Variants in ZNF343 observed in about 807,000 individuals in gnomAD.
ZNF343 encodes zinc finger protein 343.
Under a neutral mutation model 13.8 loss-of-function variants are expected in ZNF343, and 11 were observed. The observed-to-expected ratio is 0.80, with a 90% CI of 0.50 to 1.32. The LOEUF (loss-of-function observed/expected upper bound fraction) is 1.32. Among genes scored for constraint, ZNF343 ranks in the 40% most tolerant of loss-of-function variants. The pLI, the probability that ZNF343 is intolerant of heterozygous loss-of-function variation, is 0.00. For missense variants in ZNF343, 658 were observed against 714.2 expected, an observed-to-expected ratio of 0.92 and a Z score of 0.90; for synonymous variants, 248 against 260.0, an observed-to-expected ratio of 0.95 and a Z score of 0.44.
At chr20:2,492,281 G>C (rs540474864) in intron 5 of ZNF343, among the ~76,000 whole-genome samples, 2 of 151,746 alleles carry the variant, frequency 1.3e-5, no homozygotes, top group Admixed American at 1.3e-4. Context: ...TAAGGTCTTC[G>C]TGTCAATAAT....
chr20:2,517,853 TTAATAA>T (rs999290637), intron 1 of ZNF343, among the ~76,000 whole-genome samples: 6 of 151,596 alleles, frequency 4.0e-5, no homozygotes, highest in Admixed American at 6.6e-5. Context: ...AAAGTAAGCT[TTAATAA>T]TAATAATAAT....
chr20:2,522,335 G>A (rs921263447), intron 1 of ZNF343, among the ~76,000 whole-genome samples: 1 of 152,124 alleles, frequency 6.6e-6, no homozygotes, highest in South Asian at 2.1e-4. Context: ...CCTTAGAGGG[G>A]AATGTCTGAT....
chr20:2,505,789 A>G (rs2085645911), intron 1 of ZNF343, among the ~76,000 whole-genome samples: 1 of 152,200 alleles, frequency 6.6e-6, no homozygotes, highest in Admixed American at 6.5e-5. Context: ...ACAAAAATTA[A>G]TTCAAGATGG....
chr20:2,515,136 G>A (rs1276282107), intron 1 of ZNF343, among the ~76,000 whole-genome samples: 2 of 152,162 alleles, frequency 1.3e-5, no homozygotes, highest in African/African-American at 4.8e-5. Flanking sequence ...ATACTGCAGT[G>A]TTAGTAAACA....
intron 1 of ZNF343, among the ~76,000 whole-genome samples, chr20:2,505,174 G>A (rs568443436): frequency 1.5e-4 from 23 of 152,188 alleles, no homozygotes; most frequent in East Asian, 9.6e-4. Flanking sequence ...CAAACAGAGC[G>A]CCAAATCATG....
At chr20:2,487,513 A>G (rs1290206392) in intron 5 of ZNF343, among the ~76,000 whole-genome samples, 2 of 152,214 alleles carry the variant, frequency 1.3e-5, no homozygotes, top group Non-Finnish European at 2.9e-5. Context: ...ACTCCCTATC[A>G]GTTCAGAGGA....
chr20:2,493,624 C>T lies in ZNF343; in HGVS notation c.119-47G>A, dbSNP rs1365399561. ...ATGAGAAACCAGACCCCCCCACCCC[C>T]CACCCCCCACCATGACGCTCCCTGA... is the stretch of plus-strand genomic sequence containing the variant. On this transcript the variant is annotated intron_variant, in intron 3 of 5. Transcript: ENST00000278772. 4.2e-6 allele frequency: 4 copies of T among 948,898 alleles called. No homozygotes were observed. In the African/African-American group the frequency reaches 6.2e-5, roughly 15 times the overall value. 58.8% of individuals were successfully genotyped at this position (948,898 alleles called of 1,614,324 possible).
intron 1 of ZNF343, among the ~76,000 whole-genome samples, chr20:2,514,183 A>C (rs2085749802): frequency 6.6e-6 from 1 of 152,258 alleles, no homozygotes; most frequent in Non-Finnish European, 1.5e-5. Flanking sequence ...CAATATTGTG[A>C]ATGTACTGAA....
At chr20:2,510,672 G>A (rs1016324647), upstream of ZNF343, among the ~76,000 whole-genome samples, 3 of 152,170 alleles carry the variant, frequency 2.0e-5, no homozygotes, top group Non-Finnish European at 4.4e-5. Context: ...GTACTGGGCA[G>A]AATCTGTTAC....
chr20:2,509,545 G>C (rs990954327), upstream of ZNF343, among the ~76,000 whole-genome samples: 1 of 152,152 alleles, frequency 6.6e-6, no homozygotes, highest in Non-Finnish European at 1.5e-5. Flanking sequence ...TGGCTCTCTG[G>C]CCTCTTATCT....
At chr20:2,495,684 CTT>C (rs776678618) in intron 2 of ZNF343, among the ~76,000 whole-genome samples, 7,078 of 136,704 alleles carry the variant, frequency 0.052, 437 homozygotes, top group African/African-American at 0.16. Flanking sequence ...TTTCTTTTTT[CTT>C]TTTTTTTTTT....
intron 2 of ZNF343, among the ~76,000 whole-genome samples, chr20:2,495,015 G>A (rs1044890134): frequency 6.6e-6 from 1 of 152,206 alleles, no homozygotes; most frequent in African/African-American, 2.4e-5. Flanking sequence ...GGTATTAGGA[G>A]CTATGCCACC....
upstream of ZNF343, chr20:2,524,755 C>CAGCCCGGGGCGCTGCAACA (rs1177704176): frequency 6.6e-6 from 1 of 152,524 alleles, no homozygotes; most frequent in Non-Finnish European, 1.5e-5. Context: ...GGCGCTGCAA[C>CAGCCCGGGGCGCTGCAACA]AGGCCCGCCC....
intron 1 of ZNF343, among the ~76,000 whole-genome samples, chr20:2,523,546 A>C (rs2085791489): frequency 6.6e-6 from 1 of 152,066 alleles, no homozygotes; most frequent in Non-Finnish European, 1.5e-5. Flanking sequence ...AAATATTCAC[A>C]ATCTTCTCAG....
At chr20:2,510,406 T>A (rs982595066), upstream of ZNF343, among the ~76,000 whole-genome samples, 1 of 152,224 alleles carries the variant, frequency 6.6e-6, no homozygotes, top group African/African-American at 2.4e-5. Flanking sequence ...TTTTCTACGT[T>A]TGTGAAGGGG....
chr20:2,517,532 C>T (rs763157985), intron 1 of ZNF343, among the ~76,000 whole-genome samples: 15 of 151,506 alleles, frequency 9.9e-5, no homozygotes, highest in Non-Finnish European at 1.6e-4. Context: ...TCTTACTCTG[C>T]ACTCTGTCAC....
At chr20:2,487,719 T>C (rs1272979280) in intron 5 of ZNF343, among the ~76,000 whole-genome samples, 1 of 152,220 alleles carries the variant, frequency 6.6e-6, no homozygotes, top group Non-Finnish European at 1.5e-5. Flanking sequence ...CATATGCATA[T>C]ATAGTTTCGT....
chr20:2,501,143 G>A lies in ZNF343; in HGVS notation c.-236-401C>T, dbSNP rs576326611. 2.6e-4 allele frequency among the ~76,000 whole-genome samples: 39 copies of A among 152,288 alleles called. 1 individual carries two copies. The highest frequency in any genetic ancestry group is 7.5e-4 in the African/African-American group (31 of 41,566). ...CGCTTTTCCAATGGTCTTAGCAAAC[G>A]GCACACCAAGAGATTATATCCCGCG... On this transcript the variant is annotated intron_variant, in intron 1 of 5. Transcript: ENST00000278772.
chr20:2,503,714 G>T (rs1254452921), intron 1 of ZNF343, among the ~76,000 whole-genome samples: 2 of 152,146 alleles, frequency 1.3e-5, no homozygotes, highest in Admixed American at 1.3e-4. Context: ...TGACTACTGG[G>T]TACATAATGA....
Sources: gnomAD v4.1 joint callset for allele counts (sites outside exome capture counted in the v4.1 genomes callset) on GRCh38, gnomAD v4.1.1 for gene constraint, MANE v1.5 for transcripts, NCBI Gene and HGNC (gene_info 2026-07-23, HGNC 2026-07-21) for gene names.